RYR3: variants seen among roughly 807,000 people sequenced by gnomAD.
The protein encoded by RYR3 is brain ryanodine receptor-calcium release channel.
A neutral mutation model predicts 584.3 loss-of-function variants in RYR3; 207 were observed. That is an observed-to-expected ratio of 0.35 (90% confidence interval 0.32 to 0.40). The LOEUF (loss-of-function observed/expected upper bound fraction) is 0.40, where lower values mean the gene tolerates loss of function less well. RYR3 is among the 10% of genes least tolerant of loss of function. The pLI is 1.00. For missense variants in RYR3, 5,616 were observed against 6,089.2 expected (o/e 0.92, Z 2.59); for synonymous variants, 2,416 against 2,248.5 (o/e 1.07, Z -2.11).
intron 3 of RYR3, among the ~76,000 whole-genome samples, chr15:33,520,667 C>T (rs762808172): frequency 6.6e-5 from 10 of 151,890 alleles, no homozygotes; most frequent in African/African-American, 9.7e-5. Context: ...GTCATTAATA[C>T]GCTGACAAAT....
At position 33,696,455 on chromosome 15, in the gene RYR3, G is replaced by T. The variant is rs748917580; in HGVS notation, c.6098G>T (p.Gly2033Val). 6.2e-7 allele frequency: 1 copy of T among 1,613,982 alleles called. No individual in the cohort carries two copies. Among genetic ancestry groups the T allele is most frequent in the Non-Finnish European group, 8.5e-7 (1 of 1,179,904 alleles). ...QIRSLLSVRM[G>V]KEEELLMING... Reference sequence around the variant, plus strand: ...CGCTCCCTCCTCAGTGTCAGGATGGGCAAGGAAGAGGAGTTGCTCATGATC... The same window carrying T: ...CGCTCCCTCCTCAGTGTCAGGATGGTCAAGGAAGAGGAGTTGCTCATGATC... The change falls in exon 39 of 104, where the codon GGC (glycine) becomes GTC (valine). Residue 2033 changes from glycine to valine, a missense_variant. This residue lies in a region of RYR3 where 1,280 missense variants were observed against 1,426.2 expected (regional missense o/e 0.90). Coordinates refer to ENST00000634891, the MANE Select transcript of RYR3 (RefSeq NM_001036.6).
At chr15:33,388,704 T>A (rs2041795678) in intron 1 of RYR3, among the ~76,000 whole-genome samples, 1 of 152,184 alleles carries the variant, frequency 6.6e-6, no homozygotes, top group African/African-American at 2.4e-5. Flanking sequence ...TGTTCATTGA[T>A]TTCAACTTTT....
chr15:33,838,994 C>T (rs762219345), intron 89 of RYR3, 36 bp downstream of exon 89: 4 of 1,575,546 alleles, frequency 2.5e-6, no homozygotes, highest in Non-Finnish European at 3.4e-6. Context: ...TTCCTTTATC[C>T]CCAGAATAAG....
At chr15:33,500,520 C>A (rs1045957852) in intron 2 of RYR3, among the ~76,000 whole-genome samples, 2 of 152,114 alleles carry the variant, frequency 1.3e-5, no homozygotes, top group Non-Finnish European at 2.9e-5. Context: ...TATCCAGGGC[C>A]CTGGCCTCTC....
intron 43 of RYR3, among the ~76,000 whole-genome samples, chr15:33,719,762 G>A (rs1173023016): frequency 6.6e-6 from 1 of 152,130 alleles, no homozygotes; most frequent in Non-Finnish European, 1.5e-5. Context: ...AACTGTATTA[G>A]GTATAAATGG....
chr15:33,661,556 G>A (rs577338509), intron 34 of RYR3, among the ~76,000 whole-genome samples: 1 of 152,172 alleles, frequency 6.6e-6, no homozygotes, highest in African/African-American at 2.4e-5. Flanking sequence ...GGTGAGGCTG[G>A]GGGAGGGGGT....
chr15:33,581,617 T>C lies in RYR3; in HGVS notation c.1547T>C (p.Ile516Thr). Reference sequence around the variant, plus strand: ...GAGAGTGGCATGGCCTGGAAAGAAATTCTGAACCTCCTCTACAAATTGCTG... The same window carrying C: ...GAGAGTGGCATGGCCTGGAAAGAAACTCTGAACCTCCTCTACAAATTGCTG... ...REESGMAWKE[I>T]LNLLYKLLAA... The change falls in exon 14 of 104, where the codon ATT (isoleucine) becomes ACT (threonine). Residue 516 changes from isoleucine to threonine, a missense_variant. Ile to Thr is a moderately conservative substitution (Grantham distance 89). Around this residue, in one of 9 missense-constraint regions of RYR3, gnomAD observed 1,284 missense variants for 1,344.6 expected, o/e 0.95. Transcript: ENST00000634891. The C allele has an allele frequency of 6.2e-7, 1 of 1,613,738 alleles. No individual in the cohort carries two copies. Among genetic ancestry groups the C allele is most frequent in the South Asian group, 1.1e-5 (1 of 91,074 alleles).
At chr15:33,404,879 G>A (rs553343165) in intron 1 of RYR3, among the ~76,000 whole-genome samples, 3 of 152,178 alleles carry the variant, frequency 2.0e-5, no homozygotes, top group African/African-American at 7.2e-5. Context: ...TATTTTAGGG[G>A]CTGTCTGCTG....
chr15:33,684,037 A>G (rs1031818077), intron 38 of RYR3, among the ~76,000 whole-genome samples: 5 of 152,116 alleles, frequency 3.3e-5, no homozygotes, highest in African/African-American at 4.8e-5. Flanking sequence ...GCCTCTATAC[A>G]CTCCACCTCT....
In RYR3 at chr15:33,410,544, C is replaced by T. The variant is rs751992927; in HGVS notation, c.52-62875C>T. On this transcript the variant is annotated intron_variant, in intron 1 of 103. Coordinates refer to ENST00000634891, the MANE Select transcript of RYR3 (RefSeq NM_001036.6). ...AGAGAATTTGTCAGGTGAAGAAAGCCGATGTCTCAGAAAGCAATGAGAAGT... is the reference window on the plus strand; with the variant it reads ...AGAGAATTTGTCAGGTGAAGAAAGCTGATGTCTCAGAAAGCAATGAGAAGT... Among the ~76,000 whole-genome samples the T allele has an allele frequency of 2.0e-5, 3 of 152,164 alleles. No homozygotes were observed. In the East Asian group the frequency reaches 5.8e-4, roughly 29 times the overall value.
rs7181096 is a variant in RYR3 at position 33,477,861 on chromosome 15, C to G, written c.171+4323C>G. ...CTGCACTCCAGCCTGGGCGACAGAG[C>G]GAGATTCTGTCTCAAGAAAAAAAAA... is the stretch of plus-strand genomic sequence containing the variant. On this transcript the variant is annotated intron_variant, in intron 2 of 103. Transcript: ENST00000634891. 3.1e-3 allele frequency among the ~76,000 whole-genome samples: 260 copies of G among 82,956 alleles called. 59 individuals are homozygous for G. Among genetic ancestry groups the G allele is most frequent in the African/African-American group, 0.03 (235 of 7,898 alleles). The allele number at this position is 82,956 out of a possible 152,430, so 54.4% of individuals were successfully genotyped here. A position where few individuals can be genotyped will look rare whatever the true frequency, so the allele number is the denominator to read the frequency against.
chr15:33,801,994 T>C, intron 69 of RYR3, 33 bp downstream of exon 69: 1 of 1,283,116 alleles, frequency 7.8e-7, no homozygotes, highest in South Asian at 1.2e-5. Context: ...CAAAAACTCT[T>C]CAACCCTAAC....
At chr15:33,738,733 C>T in intron 50 of RYR3, 143 bp downstream of exon 50, 1 of 869,056 alleles carries the variant, frequency 1.2e-6, no homozygotes, top group East Asian at 2.5e-5. Flanking sequence ...AATCCTTGCC[C>T]ATCTCTCTGA....
intron 1 of RYR3, among the ~76,000 whole-genome samples, chr15:33,341,259 G>A (rs575136805): frequency 1.3e-5 from 2 of 152,100 alleles, no homozygotes; most frequent in South Asian, 2.1e-4. Context: ...GGCTGATCTC[G>A]AACCTCTGAC....
Position 33,630,007 on chromosome 15 carries a change from A to C in RYR3, c.2747A>C (p.Lys916Thr), listed in dbSNP as rs191573523. 1.2e-4 allele frequency: 190 copies of C among 1,605,994 alleles called. 2 individuals carry two copies. The East Asian group carries it at 4.1e-3, about 35-fold the overall frequency. ...TTTTCAAAGCTCCCAGAAACTGAGA[A>C]GAACTATAACCTGCAAATGTCAACT... ...VEFSKLPETE[K>T]NYNLQMSTET... The change falls in exon 22 of 104, where the codon AAG becomes ACG. Residue 916 changes from lysine to threonine, a missense_variant. Lys to Thr is a moderately conservative substitution (Grantham distance 78, BLOSUM62 -1). This residue lies in a region of RYR3 where 1,284 missense variants were observed against 1,344.6 expected (regional missense o/e 0.95). Coordinates refer to ENST00000634891, the MANE Select transcript of RYR3 (RefSeq NM_001036.6).
intron 87 of RYR3, among the ~76,000 whole-genome samples, chr15:33,835,312 C>T (rs1208786564): frequency 8.3e-4 from 1 of 1,206 alleles, no homozygotes; most frequent in African/African-American, 4.2e-3. Context: ...TCTCACCAAC[C>T]TACCCTTATT....
chr15:33,639,188 C>G (rs1034975494), intron 27 of RYR3, among the ~76,000 whole-genome samples: 3 of 152,138 alleles, frequency 2.0e-5, no homozygotes, highest in Non-Finnish European at 4.4e-5. Flanking sequence ...GTCCCATAGG[C>G]CTGTTGTGTA....
chr15:33,803,252 C>T (rs887255976), intron 69 of RYR3, among the ~76,000 whole-genome samples: 4 of 152,234 alleles, frequency 2.6e-5, no homozygotes, highest in Non-Finnish European at 5.9e-5. Flanking sequence ...AGAGCAATCA[C>T]ATTCATGAGG....
rs1257996123 is a variant in RYR3, at chr15:33,310,993, C to T, written c.-53C>T. The T allele has an allele frequency of 6.8e-7, 1 of 1,462,584 alleles. No homozygotes were observed. The highest frequency in any genetic ancestry group is 9.4e-7 in the Non-Finnish European group (1 of 1,068,644). The allele number at this position is 1,462,584 out of a possible 1,614,324, so 90.6% of individuals were successfully genotyped here. A position where few individuals can be genotyped will look rare whatever the true frequency, so the allele number is the denominator to read the frequency against. On this transcript the variant is annotated 5_prime_UTR_variant, in exon 1 of 104. Transcript: ENST00000634891. ...GCAGTCAGCGCACGCCGAGCGGCTG[C>T]CGGGGGAAGCAGAGGCGCCGGAGGC... is the stretch of plus-strand genomic sequence containing the variant.
Sources: allele counts gnomAD v4.1 joint callset (sites outside exome capture counted in the v4.1 genomes callset), GRCh38; gene constraint gnomAD v4.1.1; regional missense constraint gnomAD v4.1.1; transcripts MANE v1.5; gene names NCBI Gene and HGNC (gene_info 2026-07-23, HGNC 2026-07-21).